PDGFRB: variants seen among roughly 807,000 people sequenced by gnomAD.
PDGFRB encodes platelet-derived growth factor receptor beta.
In PDGFRB, 42 loss-of-function variants were observed where a neutral mutation model predicts 120.2. The observed-to-expected ratio is 0.35, with a 90% CI of 0.27 to 0.45. The LOEUF (loss-of-function observed/expected upper bound fraction) is 0.45, where lower values mean the gene tolerates loss of function less well. Among genes scored for constraint, PDGFRB ranks in the 20% least tolerant of loss-of-function variants. PDGFRB has a pLI of 1.00. For synonymous variants in PDGFRB, 586 were observed against 606.8 expected (o/e 0.97, Z 0.50); for missense variants, 1,149 against 1,476.3 (o/e 0.78, Z 3.63).
intron 1 of PDGFRB, among the ~76,000 whole-genome samples, chr5:150,141,228 G>A (rs992496612): frequency 2.6e-5 from 4 of 152,242 alleles, no homozygotes; most frequent in Admixed American, 6.5e-5. Flanking sequence ...AGATGCACCC[G>A]TGTGCAACAG....
rs147860781 is a variant in PDGFRB, at chr5:150,117,355, C to A, written c.3137+263G>T. On this transcript the variant is annotated intron_variant, in intron 22 of 22. Coordinates refer to ENST00000261799, the MANE Select transcript of PDGFRB (RefSeq NM_002609.4). The stretch of plus-strand genomic sequence containing the variant: ...GAGTATAGATAACCTCTGGGGGCTC[C>A]CTTAAAGGAAATAGCTACCTTGCAA... Among the ~76,000 whole-genome samples, 492 of 152,240 alleles carry A rather than the reference C, an allele frequency of 3.2e-3. 5 individuals are homozygous for A. Among genetic ancestry groups the A allele is most frequent in the African/African-American group, 0.011 (477 of 41,540 alleles).
chr5:150,132,626 A>C lies in PDGFRB; in HGVS notation c.1127+124T>G. The C allele has an allele frequency of 1.2e-6, 1 of 863,986 alleles. No individual in the cohort carries two copies. The highest frequency in any genetic ancestry group is 1.8e-6 in the Non-Finnish European group (1 of 567,646). 53.5% of individuals were successfully genotyped at this position (863,986 alleles called of 1,614,324 possible). On this transcript the variant is annotated intron_variant, in intron 7 of 22. Coordinates refer to ENST00000261799, the MANE Select transcript of PDGFRB (RefSeq NM_002609.4). This position sits in a 1 kb window ranked among gnomAD's most constrained non-coding sequence, Gnocchi z 5.0. ...CAGCTCTGGTCGCTGCAGCATCCCC[A>C]GCACCTGGCACCTAATATGCTCTCA... is the stretch of plus-strand genomic sequence containing the variant.
In PDGFRB at chr5:150,147,427, G is replaced by A. The variant is rs1042742142; in HGVS notation, c.-7+7970C>T. 4.6e-5 allele frequency among the ~76,000 whole-genome samples: 7 copies of A among 152,302 alleles called. 1 individual carries two copies. The highest frequency in any genetic ancestry group is 3.3e-4 in the Admixed American group (5 of 15,304). On this transcript the variant is annotated intron_variant, in intron 1 of 22. Coordinates refer to ENST00000261799, the MANE Select transcript of PDGFRB (RefSeq NM_002609.4). ...CTGTTCCCCGGGCTGCTGCCAGCCC[G>A]GAGCAGCCATGGGCTGGGGTGGGGG...
intron 1 of PDGFRB, among the ~76,000 whole-genome samples, chr5:150,150,338 T>C (rs191169861): frequency 2.0e-5 from 3 of 152,310 alleles, no homozygotes; most frequent in East Asian, 1.9e-4. Context: ...AATAAAGCAG[T>C]TGGATCAGGT....
Position 150,114,321 on chromosome 5 carries a change from C to G in PDGFRB, c.*1442G>C. ...CAAAGCGCCCACCTCTCACATCCTT[C>G]TTGGGGTACCCATCTGAAGCTTCTT... On this transcript the variant is annotated 3_prime_UTR_variant, in exon 23 of 23. Coordinates refer to ENST00000261799, the MANE Select transcript of PDGFRB (RefSeq NM_002609.4). The G allele has an allele frequency of 4.3e-6, 1 of 233,234 alleles. No homozygotes were observed. Among genetic ancestry groups the G allele is most frequent in the Non-Finnish European group, 8.5e-6 (1 of 117,996 alleles). The allele number at this position is 233,234 out of a possible 1,614,324, so 14.4% of individuals were successfully genotyped here.
intron 1 of PDGFRB, among the ~76,000 whole-genome samples, chr5:150,139,050 C>T (rs1760711900): frequency 6.6e-6 from 1 of 152,234 alleles, no homozygotes; most frequent in South Asian, 2.1e-4. Flanking sequence ...CGACCCTCCT[C>T]CCATGTGGCA....
Position 150,126,534 on chromosome 5 carries a change from T to C in PDGFRB, c.1660A>G (p.Met554Val), listed in dbSNP as rs1210272407. ...LTIISLIILI[M>V]LWQKKPRYEI... Reference sequence around the variant, plus strand: ...GAGGGGCTTACCTTCTGCCAAAGCATGATGAGGATGATAAGGGAGATGATG... The same window carrying C: ...GAGGGGCTTACCTTCTGCCAAAGCACGATGAGGATGATAAGGGAGATGATG... Residue 554 changes from methionine to valine, a missense_variant, in exon 11 of 23, where the codon ATG (methionine) becomes GTG (valine). Coordinates refer to ENST00000261799, the MANE Select transcript of PDGFRB (RefSeq NM_002609.4). The C allele has an allele frequency of 1.9e-6, 3 of 1,595,324 alleles. No homozygotes were observed. Among genetic ancestry groups the C allele is most frequent in the Non-Finnish European group, 2.6e-6 (3 of 1,163,018 alleles).
At chr5:150,153,696 G>C (rs1462465133) in intron 1 of PDGFRB, 1 of 152,108 alleles carries the variant, frequency 6.6e-6, no homozygotes, top group East Asian at 1.9e-4. Flanking sequence ...TGGAGACAGG[G>C]GAGGACTGCA....
chr5:150,136,807 C>T (rs1760645141), intron 2 of PDGFRB, among the ~76,000 whole-genome samples: 1 of 152,140 alleles, frequency 6.6e-6, no homozygotes, highest in Admixed American at 6.5e-5. Flanking sequence ...CAAGCAGGGG[C>T]CCACTGACGC....
At chr5:150,122,272 C>T (rs765056764) in intron 15 of PDGFRB, 44 of 512,870 alleles carry the variant, frequency 8.6e-5, no homozygotes, top group Non-Finnish European at 1.3e-4. Flanking sequence ...CACCCAGAGG[C>T]GATTACAGCA....
intron 1 of PDGFRB, among the ~76,000 whole-genome samples, chr5:150,140,861 C>G (rs1432169730): frequency 6.6e-6 from 1 of 152,184 alleles, no homozygotes; most frequent in African/African-American, 2.4e-5. Flanking sequence ...CCTCCCAGCA[C>G]GTACAATTCT....
chr5:150,126,385 C>T (rs1426869570), intron 11 of PDGFRB, 135 bp downstream of exon 11: 1 of 669,026 alleles, frequency 1.5e-6, no homozygotes. Flanking sequence ...GCCAGCGTCA[C>T]AAGTCCCCAC....
rs765657661 is a variant in PDGFRB at position 150,114,982 on chromosome 5, C to A, written c.*781G>T. On this transcript the variant is annotated 3_prime_UTR_variant, in exon 23 of 23. Transcript: ENST00000261799. ...CGGGGCCCGTCTGGCCTTCTAGACT[C>A]TGGTGGATGGATTAAGACTGAGGGT... 4.3e-5 allele frequency: 10 copies of A among 233,040 alleles called. No individual in the cohort carries two copies. Among genetic ancestry groups the A allele is most frequent in the Non-Finnish European group, 6.8e-5 (8 of 118,038 alleles). 14.4% of individuals were successfully genotyped at this position (233,040 alleles called of 1,614,324 possible).
At chr5:150,147,627 T>C (rs952672352) in intron 1 of PDGFRB, among the ~76,000 whole-genome samples, 52 of 152,274 alleles carry the variant, frequency 3.4e-4, no homozygotes, top group East Asian at 3.1e-3. Context: ...TTACCAAACA[T>C]TGAGATTCCC....
At position 150,121,967 on chromosome 5, in the gene PDGFRB, G is replaced by A. The variant is rs1760150456; in HGVS notation, c.2257C>T (p.Pro753Ser). The A allele has an allele frequency of 5.6e-6, 9 of 1,612,812 alleles. No homozygotes were observed. The highest frequency in any genetic ancestry group is 7.6e-6 in the Non-Finnish European group (9 of 1,178,846). ...MSKDESVDYV[P>S]MLDMKGDVKY... is the part of the protein sequence containing the mutation. The stretch of plus-strand genomic sequence containing the variant: ...ACGTCTCCTTTCATGTCCAGCATGG[G>A]CACATAGTCCACCGACTCGTCCTTG... The change falls in exon 16 of 23, where the codon CCC becomes TCC. Residue 753 changes from proline (P) to serine (S), a missense_variant. By Grantham distance (74) the Pro-to-Ser change is moderately conservative. Transcript: ENST00000261799. The surrounding 1 kb of genome is among the most constrained non-coding windows in gnomAD (Gnocchi z 4.1).
Position 150,121,876 on chromosome 5 carries a change from C to T in PDGFRB, c.2344+4G>A. 6.2e-7 allele frequency: 1 copy of T among 1,607,894 alleles called. No homozygotes were observed. On this transcript the variant is annotated splice_donor_region_variant and intron_variant, in intron 16 of 22. Transcript: ENST00000261799. The surrounding 1 kb of genome is among the most constrained non-coding windows in gnomAD (Gnocchi z 4.1). ...TGGGGTACTATGTCACTATGTCCAC[C>T]CACCAGAGGGAACGTAGTTATCGTA...
intron 21 of PDGFRB, 108 bp downstream of exon 21, chr5:150,118,638 AC>A (rs1760039743): frequency 1.3e-6 from 1 of 755,386 alleles, no homozygotes; most frequent in Non-Finnish European, 2.4e-6. Context: ...CCCAGAGAGG[AC>A]AAAGGGTGGT....
In PDGFRB at chr5:150,125,566, G is replaced by A. The variant is rs570202484; in HGVS notation, c.1686C>T (p.Tyr562=). ...ACTCAATCACCTTCCATCGGATCTC[G>A]TAACGTGGCTTCTGGAGGACCAACC... is the stretch of plus-strand genomic sequence containing the variant. ...LIMLWQKKPR[Y]EIRWKVIESV... The change falls in exon 12 of 23, where the codon TAC becomes TAT. Residue 562 remains tyrosine, a synonymous_variant. Transcript: ENST00000261799. The A allele has an allele frequency of 1.9e-5, 30 of 1,613,930 alleles. 1 individual carries two copies. The highest frequency in any genetic ancestry group is 3.3e-5 in the South Asian group (3 of 91,050).
intron 1 of PDGFRB, chr5:150,137,315 G>A (rs1052150452): frequency 1.7e-4 from 74 of 439,018 alleles, no homozygotes; most frequent in African/African-American, 1.3e-3. Context: ...CCTCGGCTGC[G>A]TCCCCAGACT....
Sources: allele counts gnomAD v4.1 joint callset (sites outside exome capture counted in the v4.1 genomes callset), GRCh38; gene constraint gnomAD v4.1.1; non-coding constraint Gnocchi (gnomAD v3.1); transcripts MANE v1.5; gene names NCBI Gene and HGNC (gene_info 2026-07-23, HGNC 2026-07-21).